The following RFC3 variants were observed in gnomAD, a reference collection of about 807,000 sequenced individuals.
The protein encoded by RFC3 is replication factor C subunit 3, also known as A1 38 kDa subunit.
A neutral mutation model predicts 45.1 loss-of-function variants in RFC3; 41 were observed. The ratio of observed to expected loss-of-function variants is 0.91; its 90% CI spans 0.71 to 1.18. The LOEUF (loss-of-function observed/expected upper bound fraction) is 1.18, where lower values mean the gene tolerates loss of function less well. Among genes scored for constraint, RFC3 ranks in the 50% most tolerant of loss-of-function variants. The pLI, the probability that RFC3 is intolerant of heterozygous loss-of-function variation, is 0.00. For synonymous variants in RFC3, 149 were observed against 144.0 expected (o/e 1.03, Z -0.25); for missense variants, 423 against 428.1 (o/e 0.99, Z 0.10).
At chr13:33,899,512 G>A (rs908217234) in intron 8 of RFC3, among the ~76,000 whole-genome samples, 2 of 151,272 alleles carry the variant, frequency 1.3e-5, no homozygotes, top group African/African-American at 4.9e-5. Flanking sequence ...CATCAAACTA[G>A]ATAAAGAAGA....
rs1384057837 is a variant in RFC3, at chr13:33,945,218, G to T, written c.880-20869G>T. On this transcript the variant is annotated intron_variant, in intron 8 of 8. Transcript: ENST00000434425. ...CCATTATATTCTAATTCTGTAGTGT[G>T]ATTGGGAAAACCATTGGCAAGAAAG... Among the ~76,000 whole-genome samples the T allele has an allele frequency of 3.9e-5, 6 of 152,238 alleles. 1 individual carries two copies. The East Asian group carries it at 1.2e-3, about 29-fold the overall frequency.
chr13:33,859,579 T>C (rs940632233), intron 8 of RFC3, among the ~76,000 whole-genome samples: 5 of 152,238 alleles, frequency 3.3e-5, no homozygotes, highest in African/African-American at 1.2e-4. Flanking sequence ...TTAGCAGTGA[T>C]TGGGTGGCAG....
At chr13:33,830,643 C>G in intron 5 of RFC3, 76 bp from the exon 6 acceptor site, 2 of 1,224,182 alleles carry the variant, frequency 1.6e-6, no homozygotes. Flanking sequence ...TTATAAGGGT[C>G]TAGGAGGATA....
At chr13:33,854,461 A>G (rs1243607210) in intron 8 of RFC3, among the ~76,000 whole-genome samples, 1 of 152,248 alleles carries the variant, frequency 6.6e-6, no homozygotes, top group Non-Finnish European at 1.5e-5. Context: ...ATACCAATGC[A>G]TCAAAAATTT....
chr13:33,972,601 A>G, the RFC3 span, among the ~76,000 whole-genome samples: 11 of 152,296 alleles, frequency 7.2e-5, no homozygotes, highest in African/African-American at 2.4e-4. Flanking sequence ...GTCACAATCT[A>G]TTCACATTGT....
chr13:33,962,338 A>G (rs1375387733), intron 8 of RFC3, among the ~76,000 whole-genome samples: 2 of 152,082 alleles, frequency 1.3e-5, no homozygotes, highest in South Asian at 2.1e-4. Flanking sequence ...TGTCTCCTTC[A>G]CTTCTTCAGC....
At chr13:33,818,287 G>A in intron 1 of RFC3, 22 bp downstream of exon 1, 1 of 1,607,684 alleles carries the variant, frequency 6.2e-7, no homozygotes, top group East Asian at 2.2e-5. Flanking sequence ...GGGGCCGGGA[G>A]CGTGGGAGAG....
intron 8 of RFC3, among the ~76,000 whole-genome samples, chr13:33,886,840 T>A (rs1228188769): frequency 4.8e-5 from 7 of 145,158 alleles, no homozygotes; most frequent in Non-Finnish European, 1.0e-4. Context: ...TGTGTCCATG[T>A]GTTCTCATTG....
At chr13:33,867,032 G>A (rs910868831) in intron 8 of RFC3, among the ~76,000 whole-genome samples, 7 of 152,114 alleles carry the variant, frequency 4.6e-5, no homozygotes, top group African/African-American at 1.2e-4. Context: ...CCTGATCTAC[G>A]AAGGAAGGAC....
At chr13:33,976,472 T>G in the RFC3 span, among the ~76,000 whole-genome samples, 17 of 152,140 alleles carry the variant, frequency 1.1e-4, no homozygotes, top group East Asian at 3.3e-3. Context: ...AAAATACAGT[T>G]AGATAGAAGA....
intron 8 of RFC3, among the ~76,000 whole-genome samples, chr13:33,857,068 A>T (rs2082312619): frequency 6.6e-6 from 1 of 152,218 alleles, no homozygotes; most frequent in Non-Finnish European, 1.5e-5. Context: ...TTCAAACTTT[A>T]GTACTTTTAG....
At chr13:33,856,924 G>A (rs2082311932) in intron 8 of RFC3, among the ~76,000 whole-genome samples, 1 of 152,138 alleles carries the variant, frequency 6.6e-6, no homozygotes, top group Non-Finnish European at 1.5e-5. Context: ...GTTACTGGAG[G>A]AACCTCAACT....
chr13:33,820,712 C>T (rs568363615), intron 1 of RFC3, among the ~76,000 whole-genome samples: 6 of 152,268 alleles, frequency 3.9e-5, no homozygotes, highest in Admixed American at 3.9e-4. Context: ...CTCAGAGTTA[C>T]AGAATCCTAA....
intron 8 of RFC3, among the ~76,000 whole-genome samples, chr13:33,914,060 T>C (rs2082718764): frequency 6.6e-6 from 1 of 152,114 alleles, no homozygotes; most frequent in Non-Finnish European, 1.5e-5. Context: ...ATAGATTTAG[T>C]TAAAGATTGG....
Position 33,936,077 on chromosome 13 carries a change from C to T in RFC3, c.880-30010C>T, listed in dbSNP as rs139735133. ...CAGTGTGTGCACTTGTATGGGATGA[C>T]GGGTTGGGGTGACTGCAGGTGAAGG... On this transcript the variant is annotated intron_variant, in intron 8 of 8. Transcript: ENST00000434425. Among the ~76,000 whole-genome samples, 13 of 152,110 alleles carry T rather than the reference C, an allele frequency of 8.5e-5. No individual in the cohort carries two copies. The South Asian group carries it at 1.0e-3, about 12-fold the overall frequency.
chr13:33,870,891 A>G (rs530453523), intron 8 of RFC3, among the ~76,000 whole-genome samples: 37 of 152,220 alleles, frequency 2.4e-4, no homozygotes, highest in Non-Finnish European at 4.3e-4. Context: ...TTGAGGTATA[A>G]TAGGCGAAGG....
At chr13:33,900,800 C>G (rs1282558700) in intron 8 of RFC3, among the ~76,000 whole-genome samples, 2 of 145,362 alleles carry the variant, frequency 1.4e-5, no homozygotes, top group Non-Finnish European at 3.0e-5. Flanking sequence ...TATTAATAAC[C>G]AGAATATAGA....
chr13:33,834,131 C>T (rs1189202883), intron 7 of RFC3, among the ~76,000 whole-genome samples: 1 of 150,696 alleles, frequency 6.6e-6, no homozygotes, highest in Admixed American at 6.6e-5. Context: ...TTACACATAG[C>T]AGATGCCCCA....
At chr13:33,850,636 T>C (rs568134152) in intron 8 of RFC3, 1 of 152,264 alleles carries the variant, frequency 6.6e-6, no homozygotes, top group African/African-American at 2.4e-5. Context: ...ACAATATATA[T>C]TGACTTAGAA....
Sources: gnomAD v4.1 joint callset for allele counts (sites outside exome capture counted in the v4.1 genomes callset) on GRCh38, gnomAD v4.1.1 for gene constraint, MANE v1.5 for transcripts, NCBI Gene and HGNC (gene_info 2026-07-23, HGNC 2026-07-21) for gene names.